The following RBFOX1 variants were observed in gnomAD, a reference collection of about 807,000 sequenced individuals.
RBFOX1 encodes the protein RNA binding fox-1 homolog 1, also known as RNA binding protein fox-1 homolog 1.
Under a neutral mutation model 57.7 loss-of-function variants are expected in RBFOX1, and 8 were observed. That is an observed-to-expected ratio of 0.14 (90% CI 0.08 to 0.25). The LOEUF is 0.25. RBFOX1 is among the 10% of genes least tolerant of loss of function. The probability of loss-of-function intolerance (pLI) is 1.00; values close to 1 mark genes in which losing one functional copy is unlikely to be tolerated. For synonymous variants in RBFOX1, 326 were observed against 222.4 expected, an observed-to-expected ratio of 1.47 and a Z score of -4.15; for missense variants, 611 against 548.5, an observed-to-expected ratio of 1.11 and a Z score of -1.14.
At chr16:5,743,036 C>T (rs967242910) in intron 3 of RBFOX1, among the ~76,000 whole-genome samples, 4 of 152,164 alleles carry the variant, frequency 2.6e-5, no homozygotes, top group Admixed American at 1.3e-4. Context: ...ACTCCGCTTA[C>T]TATTAGCCTG....
chr16:6,501,732 C>T (rs552723858), intron 2 of RBFOX1, among the ~76,000 whole-genome samples: 67 of 152,244 alleles, frequency 4.4e-4, no homozygotes, highest in African/African-American at 1.5e-3. Context: ...GTACTGGGCG[C>T]TGTGCTGGGT....
chr16:6,740,996 T>C (rs2071904404), intron 3 of RBFOX1, among the ~76,000 whole-genome samples: 2 of 152,262 alleles, frequency 1.3e-5, no homozygotes, highest in South Asian at 4.1e-4. Flanking sequence ...TCATCATCGC[T>C]ATGTGGTATT....
chr16:7,071,666 C>CATAT (rs200231747), intron 4 of RBFOX1, among the ~76,000 whole-genome samples: 13 of 150,654 alleles, frequency 8.6e-5, no homozygotes, highest in African/African-American at 2.9e-4. Context: ...TACATACATA[C>CATAT]ATATATATAT....
At chr16:5,704,634 C>G (rs570185997) in intron 3 of RBFOX1, among the ~76,000 whole-genome samples, 1 of 152,196 alleles carries the variant, frequency 6.6e-6, no homozygotes, top group African/African-American at 2.4e-5. Flanking sequence ...CACCGGATCT[C>G]AAGTTGAGTG....
intron 3 of RBFOX1, among the ~76,000 whole-genome samples, chr16:5,625,950 C>G (rs1399950590): frequency 6.7e-6 from 1 of 149,320 alleles, no homozygotes; most frequent in Non-Finnish European, 1.5e-5. Context: ...AATCTCAGCT[C>G]ACTGCACCCT....
chr16:6,612,503 A>T (rs760789335), intron 2 of RBFOX1, among the ~76,000 whole-genome samples: 2 of 152,144 alleles, frequency 1.3e-5, no homozygotes, highest in Non-Finnish European at 2.9e-5. Flanking sequence ...AGGCAGTTGG[A>T]ATTGGATGGT....
chr16:7,502,041 A>G (rs1194675462), intron 4 of RBFOX1, among the ~76,000 whole-genome samples: 9 of 151,850 alleles, frequency 5.9e-5, no homozygotes, highest in Admixed American at 1.3e-4. Flanking sequence ...CTTTCTGGCA[A>G]TCTCTCCTAA....
chr16:5,980,333 A>G (rs1225394436), intron 4 of RBFOX1, among the ~76,000 whole-genome samples: 11 of 152,162 alleles, frequency 7.2e-5, no homozygotes, highest in African/African-American at 2.4e-4. Context: ...AGAACGGTAT[A>G]GATGGTAATG....
intron 1 of RBFOX1, among the ~76,000 whole-genome samples, chr16:6,164,872 C>T (rs963449040): frequency 1.3e-5 from 2 of 152,046 alleles, no homozygotes; most frequent in Admixed American, 6.6e-5. Flanking sequence ...TGCTAAATAC[C>T]ATGTCAGAAA....
At chr16:7,240,244 G>A (rs2093988394) in intron 4 of RBFOX1, among the ~76,000 whole-genome samples, 1 of 152,100 alleles carries the variant, frequency 6.6e-6, no homozygotes, top group Non-Finnish European at 1.5e-5. Flanking sequence ...TGGGATTACA[G>A]GTATGAGCCG....
intron 3 of RBFOX1, among the ~76,000 whole-genome samples, chr16:5,658,907 A>G (rs529866625): frequency 6.6e-6 from 1 of 150,852 alleles, no homozygotes; most frequent in South Asian, 2.1e-4. Context: ...TAGTTTCTTT[A>G]TCCACTCGTT....
At chr16:6,506,104 C>A (rs1388289178) in intron 2 of RBFOX1, among the ~76,000 whole-genome samples, 1 of 152,166 alleles carries the variant, frequency 6.6e-6, no homozygotes, top group Admixed American at 6.5e-5. Flanking sequence ...ACATGCCCTA[C>A]TAAGAAAGTG....
At chr16:5,401,764 T>TCCTCCTCCTC (rs2066720222) in intron 1 of RBFOX1, among the ~76,000 whole-genome samples, 2 of 103,410 alleles carry the variant, frequency 1.9e-5, no homozygotes, top group African/African-American at 3.4e-5. Flanking sequence ...TCCCTGTCTC[T>TCCTCCTCCTC]CTCCTCCTCC....
chr16:7,487,775 T>C (rs1381465801), intron 4 of RBFOX1, among the ~76,000 whole-genome samples: 1 of 152,140 alleles, frequency 6.6e-6, no homozygotes, highest in Non-Finnish European at 1.5e-5. Context: ...ATTCAGCACT[T>C]GGACAACCTA....
chr16:6,081,165 C>T lies in RBFOX1; in HGVS notation c.-127+61173C>T, dbSNP rs914039104. Among the ~76,000 whole-genome samples the T allele has an allele frequency of 7.4e-4, 112 of 152,252 alleles. 1 individual carries two copies. The highest frequency in any genetic ancestry group is 2.6e-3 in the African/African-American group (109 of 41,548). ...AGGGCGTCTTTCAGATACACTTTAG[C>T]AGACTGATGAAGGCTGTTCCCGGGA... On this transcript the variant is annotated intron_variant, in intron 1 of 15. Coordinates refer to ENST00000550418, the MANE Select transcript of RBFOX1 (RefSeq NM_018723.4).
chr16:7,309,317 G>C (rs1401926261), intron 4 of RBFOX1, among the ~76,000 whole-genome samples: 1 of 152,206 alleles, frequency 6.6e-6, no homozygotes, highest in Non-Finnish European at 1.5e-5. Flanking sequence ...GGAACCTATG[G>C]AGGGCCGCGT....
At chr16:6,194,227 C>T (rs533897264) in intron 1 of RBFOX1, among the ~76,000 whole-genome samples, 2 of 152,284 alleles carry the variant, frequency 1.3e-5, no homozygotes, top group East Asian at 3.9e-4. Flanking sequence ...TCCTGCATTA[C>T]CTCCTGAAGA....
At chr16:5,413,710 T>C (rs1012445084) in intron 1 of RBFOX1, among the ~76,000 whole-genome samples, 9 of 152,182 alleles carry the variant, frequency 5.9e-5, no homozygotes, top group African/African-American at 2.2e-4. Flanking sequence ...TTAAAGCAAG[T>C]CTCTTTCTCG....
chr16:7,351,800 C>T (rs1053934116), intron 4 of RBFOX1, among the ~76,000 whole-genome samples: 4 of 152,182 alleles, frequency 2.6e-5, no homozygotes, highest in Non-Finnish European at 5.9e-5. Flanking sequence ...CCACCTGTTT[C>T]TGGGAGTGCC....
Sources: gnomAD v4.1 joint callset for allele counts (sites outside exome capture counted in the v4.1 genomes callset) on GRCh38, gnomAD v4.1.1 for gene constraint, MANE v1.5 for transcripts, NCBI Gene and HGNC (gene_info 2026-07-23, HGNC 2026-07-21) for gene names.